Variants in BNC2 observed in about 807,000 individuals in gnomAD.
BNC2 encodes the protein zinc finger protein basonuclin-2.
A neutral mutation model predicts 76.3 loss-of-function variants in BNC2; 20 were observed. That is an observed-to-expected ratio of 0.26 (90% CI 0.18 to 0.38). The LOEUF is 0.38. Among genes scored for constraint, BNC2 ranks in the 10% least tolerant of loss-of-function variants. The probability of loss-of-function intolerance (pLI) is 1.00; values close to 1 mark genes in which losing one functional copy is unlikely to be tolerated. For missense variants in BNC2, 1,382 were observed against 1,399.8 expected (o/e 0.99, Z 0.20); for synonymous variants, 582 against 514.8 (o/e 1.13, Z -1.77).
intron 4 of BNC2, among the ~76,000 whole-genome samples, chr9:16,556,067 A>C (rs1265965224): frequency 2.0e-5 from 3 of 152,022 alleles, no homozygotes; most frequent in Admixed American, 1.3e-4. Context: ...TGGGAGGCCA[A>C]GGCAGGAGAA....
intron 6 of BNC2, among the ~76,000 whole-genome samples, chr9:16,434,040 T>C (rs954650760): frequency 2.0e-5 from 3 of 152,126 alleles, no homozygotes; most frequent in African/African-American, 7.2e-5. Flanking sequence ...CTGTCAATGA[T>C]AACTTGGAAC....
chr9:16,764,140 C>T (rs1356873052), intron 1 of BNC2, among the ~76,000 whole-genome samples: 1 of 152,156 alleles, frequency 6.6e-6, no homozygotes, highest in Non-Finnish European at 1.5e-5. Flanking sequence ...ATTTTTTTGG[C>T]CCCAACCCAC....
chr9:16,849,257 G>A (rs1189470257), intron 1 of BNC2, among the ~76,000 whole-genome samples: 3 of 151,150 alleles, frequency 2.0e-5, no homozygotes, highest in Non-Finnish European at 4.4e-5. Context: ...AAATTTTCTA[G>A]AGTCTGACTT....
intron 5 of BNC2, among the ~76,000 whole-genome samples, chr9:16,438,885 T>G (rs1821073117): frequency 6.6e-6 from 1 of 152,114 alleles, no homozygotes; most frequent in South Asian, 2.1e-4. Flanking sequence ...TGTGGCATTC[T>G]TCTAATGATA....
chr9:16,461,820 G>A (rs1821589395), intron 5 of BNC2, among the ~76,000 whole-genome samples: 1 of 152,158 alleles, frequency 6.6e-6, no homozygotes, highest in Non-Finnish European at 1.5e-5. Context: ...AAGTATAAGA[G>A]TTATTTTGTT....
chr9:16,546,100 C>T (rs1379463130), intron 5 of BNC2, among the ~76,000 whole-genome samples: 2 of 152,256 alleles, frequency 1.3e-5, no homozygotes, highest in Non-Finnish European at 2.9e-5. Flanking sequence ...TGTTTAGCAA[C>T]TGATATTTCT....
intron 3 of BNC2, among the ~76,000 whole-genome samples, chr9:16,660,724 CA>C (rs1822087356): frequency 6.6e-6 from 1 of 151,804 alleles, no homozygotes; most frequent in African/African-American, 2.4e-5. Context: ...TGAATTCAAC[CA>C]ACTGCAGATT....
chr9:16,524,638 G>A (rs1817736760), intron 5 of BNC2, among the ~76,000 whole-genome samples: 1 of 152,054 alleles, frequency 6.6e-6, no homozygotes, highest in African/African-American at 2.4e-5. Flanking sequence ...AACATACTCT[G>A]TGTAAATAAA....
At chr9:16,420,139 T>A (rs1820681070) in intron 6 of BNC2, among the ~76,000 whole-genome samples, 1 of 152,156 alleles carries the variant, frequency 6.6e-6, no homozygotes, top group African/African-American at 2.4e-5. Context: ...ATAGAAAAAA[T>A]TCATTTTTTA....
intron 5 of BNC2, among the ~76,000 whole-genome samples, chr9:16,462,983 G>A (rs1380999261): frequency 6.6e-6 from 1 of 152,062 alleles, no homozygotes; most frequent in African/African-American, 2.4e-5. Context: ...CATTTCTGGG[G>A]AACTGATCAT....
At chr9:16,848,153 G>A (rs906090417) in intron 1 of BNC2, among the ~76,000 whole-genome samples, 1 of 152,082 alleles carries the variant, frequency 6.6e-6, no homozygotes, top group Non-Finnish European at 1.5e-5. Flanking sequence ...AATTTCTTTT[G>A]CTGAGAAAAT....
chr9:16,845,991 T>C (rs1444700546), intron 1 of BNC2, among the ~76,000 whole-genome samples: 2 of 151,480 alleles, frequency 1.3e-5, no homozygotes, highest in African/African-American at 2.4e-5. Context: ...CTACTAAAAA[T>C]ACAAAAAAAT....
intron 1 of BNC2, among the ~76,000 whole-genome samples, chr9:16,820,118 G>A (rs1424813552): frequency 3.0e-5 from 2 of 66,002 alleles, no homozygotes; most frequent in Admixed American, 2.5e-4. Flanking sequence ...GAGTGAGACT[G>A]TCTCAAAAAA....
chr9:16,669,908 C>T (rs150870259), intron 3 of BNC2, among the ~76,000 whole-genome samples: 88 of 152,296 alleles, frequency 5.8e-4, no homozygotes, highest in African/African-American at 1.9e-3. Flanking sequence ...ATCTCCTCTG[C>T]ATGATACATG....
At chr9:16,790,348 T>G (rs913732480) in intron 1 of BNC2, among the ~76,000 whole-genome samples, 2 of 152,226 alleles carry the variant, frequency 1.3e-5, no homozygotes, top group African/African-American at 4.8e-5. Context: ...CTATGACCTT[T>G]AATTTTTTTG....
At chr9:16,491,933 C>T (rs12555917) in intron 5 of BNC2, among the ~76,000 whole-genome samples, 7,638 of 152,252 alleles carry the variant, frequency 0.05, 362 homozygotes, top group East Asian at 0.14. Context: ...CTGGTATGCT[C>T]ACATACTTCC....
chr9:16,563,923 C>T (rs942065927), intron 4 of BNC2, among the ~76,000 whole-genome samples: 2 of 152,056 alleles, frequency 1.3e-5, no homozygotes, highest in Admixed American at 6.6e-5. Flanking sequence ...ATATTTATAT[C>T]GCTTGGATTT....
chr9:16,652,030 ATAAGTGGAATATCCTTTTG>A (rs1024146874), intron 3 of BNC2, among the ~76,000 whole-genome samples: 1 of 152,198 alleles, frequency 6.6e-6, no homozygotes, highest in African/African-American at 2.4e-5. Flanking sequence ...CTCCCATTTT[ATAAGTGGAATATCCTTTTG>A]TAAAGACATT....
rs548710845 is a variant in BNC2, at chr9:16,610,375, C to T, written c.331-27290G>A. ...GAACGGCCAGTGAGTAACATCTTTC[C>T]TTAAATACCCCCAGAAGGAATCCGA... On this transcript the variant is annotated intron_variant, in intron 3 of 6. Coordinates refer to ENST00000380672, the MANE Select transcript of BNC2 (RefSeq NM_017637.6). Among the ~76,000 whole-genome samples, 59 of 152,246 alleles carry T rather than the reference C, an allele frequency of 3.9e-4. 4 individuals carry two copies. In the South Asian group the frequency reaches 0.012, roughly 30 times the overall value.
Sources: gnomAD v4.1 joint callset for allele counts (sites outside exome capture counted in the v4.1 genomes callset) on GRCh38, gnomAD v4.1.1 for gene constraint, MANE v1.5 for transcripts, NCBI Gene and HGNC (gene_info 2026-07-23, HGNC 2026-07-21) for gene names.